UNC5A: variants seen among roughly 807,000 people sequenced by gnomAD.
UNC5A encodes netrin receptor UNC5A.
Under a neutral mutation model 87.4 loss-of-function variants are expected in UNC5A, and 20 were observed. That is an observed-to-expected ratio of 0.23 (90% CI 0.16 to 0.33). The LOEUF (loss-of-function observed/expected upper bound fraction) is 0.33. Among genes scored for constraint, UNC5A ranks in the 10% least tolerant of loss-of-function variants. The pLI, the probability that UNC5A is intolerant of heterozygous loss-of-function variation, is 1.00. For missense variants in UNC5A, 844 were observed against 1,133.4 expected (o/e 0.74, Z 3.67); for synonymous variants, 438 against 482.3 (o/e 0.91, Z 1.20).
intron 1 of UNC5A, among the ~76,000 whole-genome samples, chr5:176,855,637 C>T (rs983584089): frequency 2.0e-4 from 31 of 152,222 alleles, no homozygotes; most frequent in Admixed American, 1.6e-3. Context: ...TCCCTAGAGG[C>T]GAGGCCAGCA....
At chr5:176,868,028 C>A in intron 2 of UNC5A, 102 bp from the exon 3 acceptor site, 3 of 1,062,514 alleles carry the variant, frequency 2.8e-6, no homozygotes, top group Non-Finnish European at 4.0e-6. Flanking sequence ...AAAGTCCACT[C>A]CCTTGCCAGT....
Position 176,824,183 on chromosome 5 carries a change from C to G in UNC5A, c.70+13363C>G, listed in dbSNP as rs536707031. On this transcript the variant is annotated intron_variant, in intron 1 of 14. Coordinates refer to ENST00000329542, the MANE Select transcript of UNC5A (RefSeq NM_133369.3). The surrounding 1 kb of genome is among the most constrained non-coding windows in gnomAD (Gnocchi z 4.2). Reference sequence around the variant, plus strand: ...GTTGGAGGCAGCAATGATGCAGGTTCCGACACTGGCCCAGGACTATTTCCC... The same window carrying G: ...GTTGGAGGCAGCAATGATGCAGGTTGCGACACTGGCCCAGGACTATTTCCC... Among the ~76,000 whole-genome samples the G allele has an allele frequency of 6.6e-6, 1 of 152,338 alleles. No individual in the cohort carries two copies. Among genetic ancestry groups the G allele is most frequent in the East Asian group, 1.9e-4 (1 of 5,176 alleles).
intron 1 of UNC5A, among the ~76,000 whole-genome samples, chr5:176,862,227 G>A (rs771172118): frequency 3.2e-4 from 48 of 152,112 alleles, no homozygotes; most frequent in Non-Finnish European, 5.3e-4. Context: ...TCCCTCCCTC[G>A]CCCCAGGCAG....
chr5:176,823,908 A>G (rs1438003428), intron 1 of UNC5A, among the ~76,000 whole-genome samples: 1 of 152,128 alleles, frequency 6.6e-6, no homozygotes, highest in East Asian at 1.9e-4. Context: ...AACTGCTGAA[A>G]TACTTTCTCA....
At chr5:176,816,233 G>A (rs1458860752) in intron 1 of UNC5A, among the ~76,000 whole-genome samples, 1 of 152,254 alleles carries the variant, frequency 6.6e-6, no homozygotes, top group Non-Finnish European at 1.5e-5. Context: ...GCCCTGGCAG[G>A]GGCTGCCTGC....
At chr5:176,830,492 A>ATGTGTGTGCTGCTGTGTGCTGGCATG (rs1756973507) in intron 1 of UNC5A, among the ~76,000 whole-genome samples, 2 of 75,256 alleles carry the variant, frequency 2.7e-5, no homozygotes, top group Admixed American at 3.1e-4. Flanking sequence ...GTGCCGGCGT[A>ATGTGTGTGCTGCTGTGTGCTGGCATG]TGTGTGTGCT....
chr5:176,856,517 G>A (rs1757670935), intron 1 of UNC5A, among the ~76,000 whole-genome samples: 2 of 152,216 alleles, frequency 1.3e-5, no homozygotes, highest in South Asian at 4.1e-4. Context: ...CTGCCCCCAG[G>A]GAGTTTATGG....
chr5:176,815,521 G>A (rs1018286650), intron 1 of UNC5A, among the ~76,000 whole-genome samples: 2 of 152,236 alleles, frequency 1.3e-5, no homozygotes, highest in East Asian at 3.8e-4. Flanking sequence ...TTGATAGAAT[G>A]GGTCATGCTT....
rs750125880 is a variant in UNC5A at position 176,879,480 on chromosome 5, C to A, written c.2355C>A (p.His785Gln). Residue 785 changes from histidine (H) to glutamine (Q), a missense_variant, in exon 14 of 15, where the codon CAC (histidine) becomes CAA (glutamine). By Grantham distance (24) the His-to-Gln change is conservative. Around this residue, in one of 3 missense-constraint regions of UNC5A, gnomAD observed 177 missense variants for 279.4 expected, o/e 0.63. Transcript: ENST00000329542. The part of the protein sequence containing the change: ...ADWRTLAQKL[H>Q]LDSHLSFFAS... ...GGCGGACTCTGGCCCAGAAACTCCACCTGGACAGGTGGGCGGGAGAGGGGC... is the reference window on the plus strand; with the variant it reads ...GGCGGACTCTGGCCCAGAAACTCCAACTGGACAGGTGGGCGGGAGAGGGGC... 1 of 1,607,746 alleles carries A rather than the reference C, an allele frequency of 6.2e-7. No homozygotes were observed. The highest frequency in any genetic ancestry group is 1.1e-5 in the South Asian group (1 of 90,288).
At chr5:176,846,754 C>T (rs1561652787) in intron 1 of UNC5A, among the ~76,000 whole-genome samples, 2 of 152,182 alleles carry the variant, frequency 1.3e-5, no homozygotes, top group Non-Finnish European at 2.9e-5. Context: ...ACCTGGTCCA[C>T]AGCCGGTGGT....
At position 176,880,860 on chromosome 5, in the gene UNC5A, G is replaced by A. The variant is rs551176993; in HGVS notation, c.*974G>A. On this transcript the variant is annotated 3_prime_UTR_variant, in exon 15 of 15. Transcript: ENST00000329542. ...CGCCGGGGCACATAGGGGTTTTATC[G>A]GGCGTGAATGTAAATAAATTATATA... 3.8e-5 allele frequency: 18 copies of A among 471,368 alleles called. No homozygotes were observed. Among genetic ancestry groups the A allele is most frequent in the African/African-American group, 1.8e-4 (9 of 49,538 alleles). The allele number at this position is 471,368 out of a possible 1,614,324, so 29.2% of individuals were successfully genotyped here. A position where few individuals can be genotyped will look rare whatever the true frequency, so the allele number is the denominator to read the frequency against.
intron 1 of UNC5A, among the ~76,000 whole-genome samples, chr5:176,850,941 C>T (rs1043080091): frequency 2.6e-5 from 4 of 151,896 alleles, no homozygotes; most frequent in African/African-American, 9.7e-5. Flanking sequence ...CCCAGTGCTC[C>T]CAGGACTTTC....
rs1161704552 is a variant in UNC5A, at chr5:176,866,615, G to C, written c.293-1515G>C. Among the ~76,000 whole-genome samples the C allele has an allele frequency of 6.6e-6, 1 of 152,164 alleles. No homozygotes were observed. Among genetic ancestry groups the C allele is most frequent in the Non-Finnish European group, 1.5e-5 (1 of 68,022 alleles). On this transcript the variant is annotated intron_variant, in intron 2 of 14. Coordinates refer to ENST00000329542, the MANE Select transcript of UNC5A (RefSeq NM_133369.3). The surrounding 1 kb of genome is among the most constrained non-coding windows in gnomAD (Gnocchi z 5.0). ...AGTACCCAGTTCAGAATGTTCTGGA[G>C]GTCTCCCACCCCTAACCCCCAAGGC...
chr5:176,852,913 T>G (rs973277095), intron 1 of UNC5A, among the ~76,000 whole-genome samples: 2 of 152,228 alleles, frequency 1.3e-5, no homozygotes, highest in Non-Finnish European at 2.9e-5. Context: ...TGTTGTGACA[T>G]GTTTTACGGA....
Position 176,810,889 on chromosome 5 carries a change from G to T in UNC5A, c.70+69G>T. ...GTGCGCGCGAACGCTCGCTGCTCTG[G>T]GGGTCCCTGACCAGCGCTGCCAGAC... On this transcript the variant is annotated intron_variant, in intron 1 of 14. Coordinates refer to ENST00000329542, the MANE Select transcript of UNC5A (RefSeq NM_133369.3). The surrounding 1 kb of genome is among the most constrained non-coding windows in gnomAD (Gnocchi z 7.3). 8.5e-7 allele frequency: 1 copy of T among 1,182,336 alleles called. No homozygotes were observed. Among genetic ancestry groups the T allele is most frequent in the Non-Finnish European group, 1.0e-6 (1 of 954,200 alleles). 73.2% of individuals were successfully genotyped at this position (1,182,336 alleles called of 1,614,324 possible).
chr5:176,828,182 T>C (rs1172669932), intron 1 of UNC5A, among the ~76,000 whole-genome samples: 1 of 152,180 alleles, frequency 6.6e-6, no homozygotes, highest in Admixed American at 6.5e-5. Flanking sequence ...CTACAAACAA[T>C]GCGGCAGGCT....
At position 176,848,162 on chromosome 5, in the gene UNC5A, T is replaced by A. The variant is rs1041233288; in HGVS notation, c.71-14462T>A. Among the ~76,000 whole-genome samples, 1 of 152,012 alleles carries A rather than the reference T, an allele frequency of 6.6e-6. No homozygotes were observed. ...TCCTAGAGCACCCCTCCCCGCCTCA[T>A]TTCCACGTTAGCACCACCGCCCCCC... On this transcript the variant is annotated intron_variant, in intron 1 of 14. Coordinates refer to ENST00000329542, the MANE Select transcript of UNC5A (RefSeq NM_133369.3). This position sits in a 1 kb window ranked among gnomAD's most constrained non-coding sequence, Gnocchi z 5.8.
intron 1 of UNC5A, among the ~76,000 whole-genome samples, chr5:176,835,729 A>ATGTGTGTG (rs55990257): frequency 0.01 from 1,502 of 145,370 alleles, 10 homozygotes; most frequent in East Asian, 0.022. Flanking sequence ...TTGATAAAGG[A>ATGTGTGTG]TGTGTGTGTG....
rs1756425450 is a variant in UNC5A at position 176,810,655 on chromosome 5, G to C, written c.-96G>C. Reference sequence around the variant, plus strand: ...CGCAGTCCGCTGGCATGGGCCCCGGGGGCGCCCCGAGCTGGGGCTCCGGGC... The same window carrying C: ...CGCAGTCCGCTGGCATGGGCCCCGGCGGCGCCCCGAGCTGGGGCTCCGGGC... On this transcript the variant is annotated 5_prime_UTR_variant, in exon 1 of 15. Coordinates refer to ENST00000329542, the MANE Select transcript of UNC5A (RefSeq NM_133369.3). The surrounding 1 kb of genome is among the most constrained non-coding windows in gnomAD (Gnocchi z 7.3). The C allele has an allele frequency of 8.7e-6, 3 of 346,564 alleles. No individual in the cohort carries two copies. The South Asian group carries it at 3.3e-4, about 39-fold the overall frequency. The allele number at this position is 346,564 out of a possible 1,614,324, so 21.5% of individuals were successfully genotyped here.
Sources: allele counts gnomAD v4.1 joint callset (sites outside exome capture counted in the v4.1 genomes callset), GRCh38; gene constraint gnomAD v4.1.1; regional missense constraint gnomAD v4.1.1; non-coding constraint Gnocchi (gnomAD v3.1); transcripts MANE v1.5; gene names NCBI Gene and HGNC (gene_info 2026-07-23, HGNC 2026-07-21).